GPI: variants seen among roughly 807,000 people sequenced by gnomAD.
GPI encodes the protein D-hexose-6-phosphate anomerase.
GPI carries 56 observed loss-of-function variants against 75.8 expected under a neutral mutation model. The observed-to-expected ratio is 0.74, with a 90% CI of 0.60 to 0.92. The LOEUF (loss-of-function observed/expected upper bound fraction) is 0.92, where lower values mean the gene tolerates loss of function less well. GPI is among the 40% of genes least tolerant of loss of function. The pLI is 0.00. For synonymous variants in GPI, 288 were observed against 285.4 expected, an observed-to-expected ratio of 1.01 and a Z score of -0.09; for missense variants, 638 against 741.0, an observed-to-expected ratio of 0.86 and a Z score of 1.61.
Position 34,365,262 on chromosome 19 carries a change from C to T in GPI, c.-5C>T. ...GTCTCACTCAGTGTACCTTCTAGTC[C>T]CGCCATGGCCGCTCTCACCCGGGAC... On this transcript the variant is annotated 5_prime_UTR_variant, in exon 1 of 18. Coordinates refer to ENST00000356487, the MANE Select transcript of GPI (RefSeq NM_000175.5). 6.4e-7 allele frequency: 1 copy of T among 1,566,634 alleles called. No individual in the cohort carries two copies. Among genetic ancestry groups the T allele is most frequent in the Non-Finnish European group, 8.6e-7 (1 of 1,159,754 alleles).
chr19:34,386,551 G>A (rs1176931492), intron 9 of GPI, among the ~76,000 whole-genome samples: 2 of 152,220 alleles, frequency 1.3e-5, no homozygotes, highest in Admixed American at 6.5e-5. Context: ...TTCAGGCACA[G>A]GAATGTGCCC....
At chr19:34,395,782 C>T (rs528749623) in intron 12 of GPI, among the ~76,000 whole-genome samples, 6 of 152,224 alleles carry the variant, frequency 3.9e-5, no homozygotes, top group African/African-American at 9.6e-5. Context: ...GTCCACCTCA[C>T]GGTGTCAGGG....
At chr19:34,377,301 C>CAAA (rs1169701523) in intron 4 of GPI, among the ~76,000 whole-genome samples, 4 of 15,466 alleles carry the variant, frequency 2.6e-4, no homozygotes, top group East Asian at 2.4e-3. Flanking sequence ...GGCTTCATCT[C>CAAA]AAAAAAAAAA....
intron 9 of GPI, among the ~76,000 whole-genome samples, chr19:34,390,799 A>G (rs2074812444): frequency 1.4e-5 from 2 of 147,872 alleles, no homozygotes; most frequent in South Asian, 4.5e-4. Flanking sequence ...AGGAGGTAGC[A>G]CCTGGCACAG....
rs1330544825 is a variant in GPI, at chr19:34,394,107, G to A, written c.1062+41G>A. On this transcript the variant is annotated intron_variant, in intron 12 of 17. Transcript: ENST00000356487. ...CCAGGCCTTGGAGTCAGCAAGATTTGTGGGGGGTCTGGGAGGTCTAGGAAC... is the reference window on the plus strand; with the variant it reads ...CCAGGCCTTGGAGTCAGCAAGATTTATGGGGGGTCTGGGAGGTCTAGGAAC... The A allele has an allele frequency of 2.6e-6, 4 of 1,539,918 alleles. No homozygotes were observed. The South Asian group carries it at 4.5e-5, about 17-fold the overall frequency.
At chr19:34,385,257 G>A (rs1310505655) in intron 9 of GPI, among the ~76,000 whole-genome samples, 4 of 151,926 alleles carry the variant, frequency 2.6e-5, no homozygotes, top group Non-Finnish European at 5.9e-5. Context: ...GCTGAGGCAG[G>A]AGAATTGCTT....
Position 34,365,303 on chromosome 19 carries a change from C to G in GPI, c.37C>G (p.Leu13Val). 2 of 1,583,946 alleles carry G rather than the reference C, an allele frequency of 1.3e-6. No homozygotes were observed. The highest frequency in any genetic ancestry group is 1.1e-5 in the South Asian group (1 of 88,280). The part of the protein sequence containing the change: ...ALTRDPQFQK[L>V]QQWYREHRSE... ...CACCCGGGACCCCCAGTTCCAGAAG[C>G]TGCAGCAATGGTACCGCGAGCACCG... The change falls in exon 1 of 18, where the codon CTG becomes GTG. Residue 13 changes from leucine (L) to valine (V), a missense_variant. Coordinates refer to ENST00000356487, the MANE Select transcript of GPI (RefSeq NM_000175.5).
intron 9 of GPI, among the ~76,000 whole-genome samples, chr19:34,382,665 G>A (rs1017141946): frequency 3.3e-5 from 5 of 152,120 alleles, no homozygotes; most frequent in African/African-American, 1.2e-4. Flanking sequence ...GGGCAGGGAT[G>A]TGTGGGTGCT....
intron 9 of GPI, among the ~76,000 whole-genome samples, chr19:34,385,993 G>A (rs1568340271): frequency 6.6e-6 from 1 of 151,848 alleles, no homozygotes; most frequent in African/African-American, 2.4e-5. Flanking sequence ...TGGCCCACTG[G>A]GTGTGGTTTG....
rs1348790929 is a variant in GPI at position 34,402,388 on chromosome 19, C to G, written c.*2352C>G. 3 of 152,236 alleles carry G rather than the reference C, an allele frequency of 2.0e-5. No individual in the cohort carries two copies. Among genetic ancestry groups the G allele is most frequent in the African/African-American group, 7.2e-5 (3 of 41,446 alleles). 9.4% of individuals were successfully genotyped at this position (152,236 alleles called of 1,614,324 possible). A position where few individuals can be genotyped will look rare whatever the true frequency, so the allele number is the denominator to read the frequency against. On this transcript the variant is annotated 3_prime_UTR_variant, in exon 18 of 18. Transcript: ENST00000356487. ...CGCTTTCTGGAATGTACTTTTGCTT[C>G]AATAAATCTGTGCTTTTGTTCCTTC...
intron 8 of GPI, chr19:34,379,848 T>C: frequency 1.8e-6 from 1 of 568,742 alleles, no homozygotes; most frequent in South Asian, 2.0e-5. Context: ...ACACATGACC[T>C]TCCTAGGCCT....
intron 1 of GPI, 99 bp downstream of exon 1, chr19:34,365,487 C>G: frequency 6.7e-7 from 1 of 1,499,168 alleles, no homozygotes; most frequent in Non-Finnish European, 8.9e-7. Context: ...CCCGGGGACC[C>G]CAGTCCCCGA....
Position 34,393,760 on chromosome 19 carries a change from G to C in GPI, c.898G>C (p.Ala300Pro), listed in dbSNP as rs1435398228. The C allele has an allele frequency of 6.2e-7, 1 of 1,613,042 alleles. No individual in the cohort carries two copies. Among genetic ancestry groups the C allele is most frequent in the Admixed American group, 1.7e-5 (1 of 60,022 alleles). Residue 300 changes from alanine to proline, a missense_variant, in exon 11 of 18, where the codon GCT becomes CCT. Coordinates refer to ENST00000356487, the MANE Select transcript of GPI (RefSeq NM_000175.5). This position sits in a 1 kb window ranked among gnomAD's most constrained non-coding sequence, Gnocchi z 4.4. The stretch of plus-strand genomic sequence containing the variant: ...CAACTTCGAGCAGCTGCTCTCGGGG[G>C]CTCACTGGATGGTGAGTGCTGAGGC... ...FDNFEQLLSG[A>P]HWMDQHFRTT...
chr19:34,399,874 TCTTCC>T (rs755615286), intron 17 of GPI, 22 bp from the exon 18 acceptor site: 3 of 1,613,518 alleles, frequency 1.9e-6, no homozygotes, highest in East Asian at 4.5e-5. Context: ...CTCATACCAC[TCTTCC>T]CTTCCCTTCC....
chr19:34,399,852 G>C (rs761229256), intron 17 of GPI, 49 bp from the exon 18 acceptor site: 1 of 1,613,658 alleles, frequency 6.2e-7, no homozygotes, highest in Admixed American at 1.7e-5. Flanking sequence ...CAGTAGCAAC[G>C]TTAGAGCCTT....
chr19:34,365,302 G>A lies in GPI; in HGVS notation c.36G>A (p.Lys12=). 6.3e-7 allele frequency: 1 copy of A among 1,582,300 alleles called. No individual in the cohort carries two copies. The highest frequency in any genetic ancestry group is 2.4e-5 in the East Asian group (1 of 41,574). ...TCACCCGGGACCCCCAGTTCCAGAA[G>A]CTGCAGCAATGGTACCGCGAGCACC... is the stretch of plus-strand genomic sequence containing the variant. ...AALTRDPQFQ[K]LQQWYREHRS... Residue 12 remains lysine (K), a synonymous_variant, in exon 1 of 18, where the codon AAG becomes AAA. Transcript: ENST00000356487.
intron 4 of GPI, among the ~76,000 whole-genome samples, chr19:34,373,038 C>T (rs866017514): frequency 6.6e-6 from 1 of 151,674 alleles, no homozygotes; most frequent in African/African-American, 2.4e-5. Flanking sequence ...TCCCAAAGTG[C>T]TGGGATTATA....
At chr19:34,385,817 G>C (rs1168624290) in intron 9 of GPI, among the ~76,000 whole-genome samples, 1 of 152,226 alleles carries the variant, frequency 6.6e-6, no homozygotes, top group Admixed American at 6.5e-5. Flanking sequence ...GCACAGGTAG[G>C]CAGACTTGGC....
At chr19:34,379,034 G>T in intron 7 of GPI, 29 bp downstream of exon 7, 1 of 1,590,550 alleles carries the variant, frequency 6.3e-7, no homozygotes, top group Non-Finnish European at 8.6e-7. Flanking sequence ...CTTCCTCGTG[G>T]TTAGCCTCTG....
Sources: gnomAD v4.1 joint callset for allele counts (sites outside exome capture counted in the v4.1 genomes callset) on GRCh38, gnomAD v4.1.1 for gene constraint, Gnocchi (gnomAD v3.1) non-coding constraint, MANE v1.5 for transcripts, NCBI Gene and HGNC (gene_info 2026-07-23, HGNC 2026-07-21) for gene names.